The following POMK variants were observed in gnomAD, a reference collection of about 807,000 sequenced individuals.
POMK encodes Sugen kinase 196.
In POMK, 19 loss-of-function variants were observed where a neutral mutation model predicts 23.0. The observed-to-expected ratio is 0.83, with a 90% CI of 0.58 to 1.21. POMK has a LOEUF of 1.21. POMK is among the 50% of genes most tolerant of loss of function. The pLI is 0.00. For missense variants in POMK, 410 were observed against 431.3 expected (o/e 0.95, Z 0.44); for synonymous variants, 173 against 171.6 (o/e 1.01, Z -0.06).
At chr8:43,104,141 T>G (rs1811502818) in intron 4 of POMK, among the ~76,000 whole-genome samples, 1 of 152,040 alleles carries the variant, frequency 6.6e-6, no homozygotes, top group African/African-American at 2.4e-5. Context: ...ATCTTTTTTT[T>G]TTTGAGAGTC....
intron 2 of POMK, among the ~76,000 whole-genome samples, 171 bp from the exon 3 acceptor site, chr8:43,102,334 T>C (rs1811461171): frequency 6.6e-6 from 1 of 152,202 alleles, no homozygotes; most frequent in Non-Finnish European, 1.5e-5. Context: ...GAGACTCTGA[T>C]GGGCTTCCCC....
intron 4 of POMK, among the ~76,000 whole-genome samples, chr8:43,119,354 A>AC (rs1811864116): frequency 1.3e-5 from 2 of 152,062 alleles, no homozygotes; most frequent in Non-Finnish European, 2.9e-5. Flanking sequence ...AAAAATCTTG[A>AC]ACTTTTAGAA....
At chr8:43,118,937 G>T (rs1811855122) in intron 4 of POMK, among the ~76,000 whole-genome samples, 1 of 152,096 alleles carries the variant, frequency 6.6e-6, no homozygotes, top group Non-Finnish European at 1.5e-5. Flanking sequence ...TCAGCCTCCT[G>T]AGTAGCTGGG....
intron 4 of POMK, 145 bp from the exon 5 acceptor site, chr8:43,121,962 G>A (rs985343346): frequency 1.3e-5 from 10 of 781,038 alleles, no homozygotes; most frequent in Middle Eastern, 3.0e-4. Context: ...ATAACTAGAC[G>A]GAGAGCAACT....
At chr8:43,115,848 C>G (rs1200106795) in intron 4 of POMK, among the ~76,000 whole-genome samples, 1 of 152,228 alleles carries the variant, frequency 6.6e-6, no homozygotes, top group Non-Finnish European at 1.5e-5. Context: ...CCCTCCAGCT[C>G]TCTCCTGCTC....
chr8:43,112,663 A>ATT (rs2130613461), intron 4 of POMK, among the ~76,000 whole-genome samples: 1 of 152,312 alleles, frequency 6.6e-6, no homozygotes, highest in South Asian at 2.1e-4. Flanking sequence ...GCAGCCAGAG[A>ATT]GAAAGGTCGG....
intron 2 of POMK, among the ~76,000 whole-genome samples, chr8:43,101,575 T>G (rs890805497): frequency 6.6e-6 from 1 of 152,156 alleles, no homozygotes; most frequent in Non-Finnish European, 1.5e-5. Flanking sequence ...GTGGTCCTCT[T>G]TCCTTGGAGA....
rs1220489944 is a variant in POMK, at chr8:43,122,956, T to TG, written c.*80dup. On this transcript the variant is annotated 3_prime_UTR_variant, in exon 5 of 5. Transcript: ENST00000331373. ...ATTCTACTCTGATGGTGGAGTTTTT[T>TG]GCCTGAGTTTCGTGTTTTATTGTTT... 1.9e-5 allele frequency: 26 copies of TG among 1,350,888 alleles called. No individual in the cohort carries two copies. The highest frequency in any genetic ancestry group is 2.5e-5 in the Non-Finnish European group (25 of 996,526). The allele number at this position is 1,350,888 out of a possible 1,614,324, so 83.7% of individuals were successfully genotyped here.
rs1296980030 is a variant in POMK at position 43,105,754 on chromosome 8, T to A, written c.282+1924T>A. 9.2e-5 allele frequency among the ~76,000 whole-genome samples: 14 copies of A among 152,256 alleles called. No homozygotes were observed. In the East Asian group the frequency reaches 2.7e-3, roughly 29 times the overall value. ...GTCTCGACTCACTACCACCTCCACT[T>A]CTGGGTTCAAGCAATTCTCCTGCCT... On this transcript the variant is annotated intron_variant, in intron 4 of 4. Coordinates refer to ENST00000331373, the MANE Select transcript of POMK (RefSeq NM_032237.5).
intron 2 of POMK, among the ~76,000 whole-genome samples, chr8:43,102,073 ACTCT>A (rs887651151): frequency 5.1e-4 from 78 of 151,956 alleles, no homozygotes; most frequent in African/African-American, 1.8e-3. Flanking sequence ...CTACACAGTT[ACTCT>A]CTATCTTTGA....
At chr8:43,097,460 T>A (rs1290411860) in intron 1 of POMK, 64 bp from the exon 2 acceptor site, 1 of 152,206 alleles carries the variant, frequency 6.6e-6, no homozygotes, top group Non-Finnish European at 1.5e-5. Context: ...TGATGCAGTG[T>A]GACTTGACAA....
chr8:43,106,231 T>A (rs1180304234), intron 4 of POMK, among the ~76,000 whole-genome samples: 1 of 152,218 alleles, frequency 6.6e-6, no homozygotes, highest in Non-Finnish European at 1.5e-5. Context: ...TGGTTTGCAT[T>A]TTCCTGATGA....
chr8:43,103,886 GTCC>G (rs1367178307), intron 4 of POMK, 56 bp downstream of exon 4: 3 of 1,552,982 alleles, frequency 1.9e-6, no homozygotes, highest in African/African-American at 1.4e-5. Flanking sequence ...TTAACACAGT[GTCC>G]TCCAGCTCCA....
intron 2 of POMK, among the ~76,000 whole-genome samples, chr8:43,098,541 C>T (rs1485753043): frequency 6.6e-6 from 1 of 152,150 alleles, no homozygotes; most frequent in Non-Finnish European, 1.5e-5. Context: ...GGCTTGTTTC[C>T]ACTGTTTGGC....
chr8:43,094,129 T>C (rs1467647052), intron 1 of POMK, among the ~76,000 whole-genome samples: 1 of 152,244 alleles, frequency 6.6e-6, no homozygotes, highest in African/African-American at 2.4e-5. Flanking sequence ...AGTCTCGCTC[T>C]GTCGCCCAGG....
intron 2 of POMK, among the ~76,000 whole-genome samples, chr8:43,101,682 G>A (rs1229537549): frequency 6.6e-6 from 1 of 152,200 alleles, no homozygotes; most frequent in African/African-American, 2.4e-5. Flanking sequence ...GTGTGTCAGA[G>A]TGACTTTGAT....
chr8:43,107,977 C>T (rs1162449951), intron 4 of POMK, among the ~76,000 whole-genome samples: 1 of 152,226 alleles, frequency 6.6e-6, no homozygotes, highest in African/African-American at 2.4e-5. Context: ...GCCTCTGCGC[C>T]TGGCTAGAAT....
chr8:43,117,246 C>T (rs537655742), intron 4 of POMK, among the ~76,000 whole-genome samples: 2 of 152,172 alleles, frequency 1.3e-5, no homozygotes, highest in African/African-American at 2.4e-5. Flanking sequence ...GCCATCTGGG[C>T]GTATATGTGC....
intron 2 of POMK, among the ~76,000 whole-genome samples, chr8:43,098,757 C>G (rs1335870311): frequency 6.6e-6 from 1 of 152,136 alleles, no homozygotes; most frequent in East Asian, 1.9e-4. Flanking sequence ...TTTCCACATT[C>G]CCCTATGTTG....
Sources: gnomAD v4.1 joint callset for allele counts (sites outside exome capture counted in the v4.1 genomes callset) on GRCh38, gnomAD v4.1.1 for gene constraint, MANE v1.5 for transcripts, NCBI Gene and HGNC (gene_info 2026-07-23, HGNC 2026-07-21) for gene names.